EYS: variants seen among roughly 807,000 people sequenced by gnomAD.
EYS encodes the protein EGF-like photoreceptor maintenance factor, also known as protein eyes shut homolog.
A neutral mutation model predicts 282.1 loss-of-function variants in EYS; 250 were observed. The observed-to-expected ratio is 0.89, with a 90% CI of 0.80 to 0.98. The LOEUF is 0.98. Ranked by LOEUF, EYS falls within the 50% of genes least tolerant of loss-of-function variation. The pLI, the probability that EYS is intolerant of heterozygous loss-of-function variation, is 0.00. For missense variants in EYS, 4,016 were observed against 3,709.0 expected (o/e 1.08, Z -2.15); for synonymous variants, 1,355 against 1,282.9 (o/e 1.06, Z -1.20).
chr6:64,048,183 G>A (rs554612147), intron 33 of EYS, among the ~76,000 whole-genome samples: 7 of 152,154 alleles, frequency 4.6e-5, no homozygotes, highest in Admixed American at 3.3e-4. Flanking sequence ...TGGGATTACC[G>A]GTGTAAGCCA....
chr6:65,608,735 T>C (rs1183396930), intron 2 of EYS, among the ~76,000 whole-genome samples: 3 of 152,174 alleles, frequency 2.0e-5, no homozygotes, highest in South Asian at 4.1e-4. Context: ...TATATAAGCT[T>C]TTTATAAAAA....
At chr6:65,666,487 C>G (rs1768205718) in intron 1 of EYS, among the ~76,000 whole-genome samples, 1 of 151,726 alleles carries the variant, frequency 6.6e-6, no homozygotes, top group Non-Finnish European at 1.5e-5. Flanking sequence ...ATTTAAATTA[C>G]TAATTACTGT....
At chr6:65,607,256 G>T (rs12527853) in intron 2 of EYS, among the ~76,000 whole-genome samples, 10 of 151,562 alleles carry the variant, frequency 6.6e-5, no homozygotes, top group Admixed American at 1.3e-4. Context: ...TGTCATAAAG[G>T]TTGGCACTCT....
intron 13 of EYS, among the ~76,000 whole-genome samples, chr6:65,012,810 C>CAAAAAAAAAAAA (rs3033918): frequency 8.5e-6 from 1 of 117,658 alleles, no homozygotes; most frequent in Non-Finnish European, 1.8e-5. Context: ...CCAAGTACAG[C>CAAAAAAAAAAAA]AAAAAAAAAA....
At chr6:64,451,503 A>G (rs1368979644) in intron 26 of EYS, among the ~76,000 whole-genome samples, 1 of 152,174 alleles carries the variant, frequency 6.6e-6, no homozygotes, top group Admixed American at 6.5e-5. Flanking sequence ...TCCCTAACTC[A>G]TTTTATGAGG....
At chr6:65,410,273 T>G (rs1280406895) in intron 5 of EYS, among the ~76,000 whole-genome samples, 3 of 152,034 alleles carry the variant, frequency 2.0e-5, no homozygotes, top group Non-Finnish European at 4.4e-5. Context: ...AGTTGACACA[T>G]TGTAATGGTA....
chr6:65,441,919 G>A (rs541192639), intron 5 of EYS, among the ~76,000 whole-genome samples: 5 of 152,092 alleles, frequency 3.3e-5, no homozygotes, highest in African/African-American at 9.6e-5. Flanking sequence ...ATCTGAAGCC[G>A]TTAAATTTGC....
intron 2 of EYS, among the ~76,000 whole-genome samples, chr6:65,621,279 G>A (rs1372495232): frequency 6.6e-6 from 1 of 152,084 alleles, no homozygotes; most frequent in East Asian, 1.9e-4. Flanking sequence ...AGCTCTTCTT[G>A]TTGAATTGAT....
At position 65,434,608 on chromosome 6, in the gene EYS, C is replaced by T. The variant is rs376696838; in HGVS notation, c.863-29241G>A. Among the ~76,000 whole-genome samples, 4 of 152,062 alleles carry T rather than the reference C, an allele frequency of 2.6e-5. No homozygotes were observed. In the South Asian group the frequency reaches 8.3e-4, roughly 32 times the overall value. The stretch of plus-strand genomic sequence containing the variant: ...TGTTGAGATTACAGGCATGAGCCAC[C>T]GCGCCCGGCCACAAAAATTTTTAAA... On this transcript the variant is annotated intron_variant, in intron 5 of 42. Transcript: ENST00000503581.
chr6:64,196,079 C>A (rs1338624743), intron 31 of EYS, among the ~76,000 whole-genome samples: 1 of 152,134 alleles, frequency 6.6e-6, no homozygotes, highest in Non-Finnish European at 1.5e-5. Context: ...AAAAAGTGGG[C>A]AAAGGATATG....
intron 35 of EYS, among the ~76,000 whole-genome samples, chr6:63,905,842 G>A (rs972768633): frequency 6.6e-6 from 1 of 152,110 alleles, no homozygotes; most frequent in Non-Finnish European, 1.5e-5. Flanking sequence ...ATAATTTTGT[G>A]TCAGTTGTCT....
intron 1 of EYS, among the ~76,000 whole-genome samples, chr6:65,694,509 CT>C (rs1769366758): frequency 6.7e-6 from 1 of 149,072 alleles, no homozygotes; most frequent in Non-Finnish European, 1.5e-5. Flanking sequence ...TAAATTACTC[CT>C]TCTTGATTAT....
intron 41 of EYS, 137 bp downstream of exon 41, chr6:63,762,324 A>G: frequency 1.3e-6 from 1 of 792,314 alleles, no homozygotes; most frequent in Admixed American, 2.8e-5. Flanking sequence ...ATAATGTCAA[A>G]TATACTAGAA....
At chr6:64,294,315 G>A (rs913674835) in intron 30 of EYS, among the ~76,000 whole-genome samples, 3 of 152,132 alleles carry the variant, frequency 2.0e-5, no homozygotes, top group Non-Finnish European at 2.9e-5. Flanking sequence ...AAGAGGTGAG[G>A]AAATAGATCA....
At chr6:64,674,779 C>T (rs200092970) in intron 22 of EYS, among the ~76,000 whole-genome samples, 41 of 151,356 alleles carry the variant, frequency 2.7e-4, no homozygotes, top group African/African-American at 9.4e-4. Context: ...CACACACACA[C>T]ATATATATAC....
chr6:65,329,047 A>T (rs114665982), intron 11 of EYS, among the ~76,000 whole-genome samples: 6,937 of 151,398 alleles, frequency 0.046, 220 homozygotes, highest in South Asian at 0.08. Flanking sequence ...CGATTTAAAT[A>T]TAAATTTAAA....
intron 31 of EYS, among the ~76,000 whole-genome samples, chr6:64,190,609 TA>T (rs1765073703): frequency 6.6e-6 from 1 of 152,224 alleles, no homozygotes; most frequent in African/African-American, 2.4e-5. Flanking sequence ...AAATGGGAAT[TA>T]AAACCCAAAG....
intron 26 of EYS, among the ~76,000 whole-genome samples, chr6:64,506,635 G>A (rs371426473): frequency 5.8e-4 from 89 of 152,204 alleles, no homozygotes; most frequent in African/African-American, 2.1e-3. Flanking sequence ...TACCTAGGCC[G>A]GGCATGGTGG....
chr6:65,539,359 T>C (rs1275154763), intron 2 of EYS, among the ~76,000 whole-genome samples: 1 of 152,194 alleles, frequency 6.6e-6, no homozygotes, highest in East Asian at 1.9e-4. Context: ...GCCAAAGACA[T>C]AGTTCTCATT....
Sources: allele counts gnomAD v4.1 joint callset (sites outside exome capture counted in the v4.1 genomes callset), GRCh38; gene constraint gnomAD v4.1.1; transcripts MANE v1.5; gene names NCBI Gene and HGNC (gene_info 2026-07-23, HGNC 2026-07-21).